The following CCNH variants were observed in gnomAD, a reference collection of about 807,000 sequenced individuals.
The protein encoded by CCNH is cyclin-H.
CCNH carries 31 observed loss-of-function variants against 41.9 expected under a neutral mutation model. The observed-to-expected ratio is 0.74, with a 90% CI of 0.56 to 1.00. The LOEUF (loss-of-function observed/expected upper bound fraction) is 1.00. Among genes scored for constraint, CCNH ranks in the 50% least tolerant of loss-of-function variants. The pLI is 0.00. For synonymous variants in CCNH, 138 were observed against 136.1 expected (o/e 1.01, Z -0.10); for missense variants, 362 against 388.4 (o/e 0.93, Z 0.57).
intron 9 of CCNH, among the ~76,000 whole-genome samples, chr5:87,349,935 A>G (rs763920263): frequency 1.3e-5 from 2 of 151,888 alleles, no homozygotes; most frequent in Non-Finnish European, 2.9e-5. Context: ...AATGTCAGCA[A>G]TTTTTCAGTC....
At chr5:87,315,601 T>A (rs1756268296), downstream of CCNH, among the ~76,000 whole-genome samples, 1 of 152,244 alleles carries the variant, frequency 6.6e-6, no homozygotes, top group African/African-American at 2.4e-5. Flanking sequence ...CTTTTGGGTT[T>A]TTCAGAGACC....
intron 4 of CCNH, among the ~76,000 whole-genome samples, chr5:87,406,278 C>T (rs1052110482): frequency 2.0e-5 from 3 of 152,066 alleles, no homozygotes; most frequent in Non-Finnish European, 4.4e-5. Flanking sequence ...CCATCTTACT[C>T]CAAAGAGACT....
chr5:87,375,529 G>T (rs571352794), downstream of CCNH, among the ~76,000 whole-genome samples: 2 of 152,098 alleles, frequency 1.3e-5, no homozygotes, highest in African/African-American at 4.8e-5. Context: ...CCAAAATGCT[G>T]GGATTACATT....
At chr5:87,397,205 C>A (rs1225284064) in intron 7 of CCNH, among the ~76,000 whole-genome samples, 1 of 151,736 alleles carries the variant, frequency 6.6e-6, no homozygotes, top group African/African-American at 2.4e-5. Flanking sequence ...CTCTGTTGCC[C>A]AGGCTGGAGT....
the CCNH span, among the ~76,000 whole-genome samples, chr5:87,312,227 GTAAT>G: frequency 3.0e-4 from 46 of 152,252 alleles, no homozygotes; most frequent in African/African-American, 9.9e-4. Flanking sequence ...ACTTTAGTAA[GTAAT>G]AGTCTTCATA....
chr5:87,376,955 C>T lies in CCNH; in HGVS notation n.226G>A, dbSNP rs552498036. 87 of 1,611,426 alleles carry T rather than the reference C, an allele frequency of 5.4e-5. 1 individual carries two copies. The East Asian group carries it at 1.9e-3, about 35-fold the overall frequency. On this transcript the variant is annotated non_coding_transcript_exon_variant, in exon 1 of 1. Transcript: ENST00000607486. ...GTGGACAAGACCGAACACTACTGGC[C>T]AGCATCCTACTGAGGATTTTTCTTC...
At chr5:87,377,066 T>C (rs776215551) in exon 1 of CCNH, 23 of 1,600,898 alleles carry the variant, frequency 1.4e-5, no homozygotes, top group East Asian at 2.2e-5. Context: ...GTTAGTGTGA[T>C]ACAAGAAACT....
intron 9 of CCNH, chr5:87,332,667 T>C (rs771106133): frequency 1.9e-6 from 3 of 1,590,094 alleles, no homozygotes; most frequent in Non-Finnish European, 2.6e-6. Flanking sequence ...TAAAATATCT[T>C]TCAAAACTTT....
At chr5:87,351,404 A>G (rs1343504572) in intron 9 of CCNH, among the ~76,000 whole-genome samples, 1 of 151,768 alleles carries the variant, frequency 6.6e-6, no homozygotes, top group Non-Finnish European at 1.5e-5. Context: ...TCAATAAATG[A>G]GAGTTCAGTG....
chr5:87,408,716 A>T (rs1239863509), intron 3 of CCNH, among the ~76,000 whole-genome samples: 1 of 152,246 alleles, frequency 6.6e-6, no homozygotes, highest in Non-Finnish European at 1.5e-5. Context: ...GAAAACAGTA[A>T]GAAAGCTACT....
chr5:87,367,439 G>A (rs1335344883), intron 9 of CCNH, among the ~76,000 whole-genome samples: 1 of 152,172 alleles, frequency 6.6e-6, no homozygotes, highest in Admixed American at 6.5e-5. Flanking sequence ...CAGCCACCTT[G>A]TGCAGTAGGT....
At chr5:87,349,150 C>T in intron 9 of CCNH, 2 of 1,559,522 alleles carry the variant, frequency 1.3e-6, no homozygotes, top group South Asian at 1.1e-5. Flanking sequence ...TGTAATAATA[C>T]TACTTAACAT....
chr5:87,400,528 G>A (rs967717085), intron 6 of CCNH, among the ~76,000 whole-genome samples: 1 of 152,070 alleles, frequency 6.6e-6, no homozygotes, highest in Non-Finnish European at 1.5e-5. Flanking sequence ...CCCCCTAGTG[G>A]TATAACTAAA....
At chr5:87,336,515 A>G (rs558892554) in intron 9 of CCNH, among the ~76,000 whole-genome samples, 2 of 152,272 alleles carry the variant, frequency 1.3e-5, no homozygotes, top group South Asian at 4.1e-4. Context: ...GATTTAATAA[A>G]GCACTTTAGC....
upstream of CCNH, chr5:87,380,471 T>C: frequency 6.5e-7 from 1 of 1,542,668 alleles, no homozygotes; most frequent in South Asian, 1.1e-5. Context: ...GTGTTTTCAC[T>C]TGCTTTCTGT....
chr5:87,389,742 G>A (rs190557450), downstream of CCNH, among the ~76,000 whole-genome samples: 6 of 152,304 alleles, frequency 3.9e-5, no homozygotes, highest in East Asian at 1.2e-3. Flanking sequence ...TTGCTCTTGA[G>A]TCTGAATGTT....
chr5:87,335,755 G>T (rs1228538229), intron 9 of CCNH, among the ~76,000 whole-genome samples: 1 of 152,116 alleles, frequency 6.6e-6, no homozygotes, highest in Non-Finnish European at 1.5e-5. Flanking sequence ...AGTGTATAAT[G>T]TGTTAACAAC....
chr5:87,325,324 G>A (rs1757151658), intron 9 of CCNH, among the ~76,000 whole-genome samples: 1 of 152,202 alleles, frequency 6.6e-6, no homozygotes, highest in Non-Finnish European at 1.5e-5. Context: ...TACAATTCAA[G>A]ATGAGATTTG....
intron 9 of CCNH, among the ~76,000 whole-genome samples, chr5:87,358,919 T>C (rs1357892419): frequency 6.6e-6 from 1 of 150,704 alleles, no homozygotes; most frequent in Non-Finnish European, 1.5e-5. Context: ...ATCTTTCAAG[T>C]TTTTGCTCAA....
Sources: gnomAD v4.1 joint callset for allele counts (sites outside exome capture counted in the v4.1 genomes callset) on GRCh38, gnomAD v4.1.1 for gene constraint, MANE v1.5 for transcripts, NCBI Gene and HGNC (gene_info 2026-07-23, HGNC 2026-07-21) for gene names.